The following FOXP1 variants were observed in gnomAD, a reference collection of about 807,000 sequenced individuals.
FOXP1 encodes the protein forkhead box protein P1.
FOXP1 carries 15 observed loss-of-function variants against 98.2 expected under a neutral mutation model. That is an observed-to-expected ratio of 0.15 (90% CI 0.10 to 0.24). FOXP1 has a LOEUF of 0.24. Among genes scored for constraint, FOXP1 ranks in the 10% least tolerant of loss-of-function variants. The pLI, the probability that FOXP1 is intolerant of heterozygous loss-of-function variation, is 1.00. For synonymous variants in FOXP1, 371 were observed against 314.5 expected (o/e 1.18, Z -1.90); for missense variants, 633 against 848.5 (o/e 0.75, Z 3.15).
intron 4 of FOXP1, among the ~76,000 whole-genome samples, chr3:71,345,397 TACACAC>T (rs71120315): frequency 0.24 from 33,651 of 141,412 alleles, 4,327 homozygotes; most frequent in South Asian, 0.3. Context: ...CAAATATATA[TACACAC>T]ACACACACAC....
Position 71,015,660 on chromosome 3 carries a change from G to T in FOXP1, c.870-7C>A. The T allele has an allele frequency of 6.3e-7, 1 of 1,576,252 alleles. No individual in the cohort carries two copies. On this transcript the variant is annotated splice_polypyrimidine_tract_variant and splice_region_variant and intron_variant, in intron 11 of 20. Coordinates refer to ENST00000649528, the MANE Select transcript of FOXP1 (RefSeq NM_001349338.3). Reference sequence around the variant, plus strand: ...GTGCTCCTCATGGGACAAACTGAAAGAAAACACACAGAAGACCAGAGAATG... The same window carrying T: ...GTGCTCCTCATGGGACAAACTGAAATAAAACACACAGAAGACCAGAGAATG...
At chr3:71,504,590 G>C (rs1274757636) in intron 2 of FOXP1, among the ~76,000 whole-genome samples, 1 of 152,174 alleles carries the variant, frequency 6.6e-6, no homozygotes, top group Non-Finnish European at 1.5e-5. Context: ...CCGGCTCAGA[G>C]CTGTCCAACG....
At position 71,141,137 on chromosome 3, in the gene FOXP1, A is replaced by G. The variant is rs1462991844; in HGVS notation, c.181-28500T>C. 2.0e-5 allele frequency among the ~76,000 whole-genome samples: 3 copies of G among 151,872 alleles called. No individual in the cohort carries two copies. In the East Asian group the frequency reaches 5.8e-4, roughly 30 times the overall value. ...CAAAAAATTAGCCAGGCGTGGTGGC[A>G]GGCGCCTGTAGTTCCAGCTACTAGG... On this transcript the variant is annotated intron_variant, in intron 6 of 20. Coordinates refer to ENST00000649528, the MANE Select transcript of FOXP1 (RefSeq NM_001349338.3).
intron 2 of FOXP1, chr3:71,543,461 G>A (rs1336959671): frequency 6.6e-6 from 1 of 152,460 alleles, no homozygotes. Flanking sequence ...GCTGCACAGT[G>A]GCTCTGTGTC....
chr3:71,148,234 G>A (rs1305242547), intron 6 of FOXP1, among the ~76,000 whole-genome samples: 6 of 152,058 alleles, frequency 3.9e-5, no homozygotes, highest in Non-Finnish European at 7.4e-5. Context: ...AAAATTAGCC[G>A]GGCATGGTGA....
intron 11 of FOXP1, among the ~76,000 whole-genome samples, chr3:71,031,876 A>T (rs998477347): frequency 6.6e-6 from 1 of 152,226 alleles, no homozygotes; most frequent in Non-Finnish European, 1.5e-5. Context: ...GTCCATGTGG[A>T]TGTGTGTTTT....
At chr3:71,338,812 A>G (rs193081365) in intron 4 of FOXP1, among the ~76,000 whole-genome samples, 1 of 152,334 alleles carries the variant, frequency 6.6e-6, no homozygotes, top group East Asian at 1.9e-4. Flanking sequence ...TAAAGAAGAC[A>G]CTAACAAAGG....
intron 5 of FOXP1, among the ~76,000 whole-genome samples, chr3:71,273,432 C>T (rs1293857821): frequency 6.6e-6 from 1 of 152,244 alleles, no homozygotes; most frequent in Non-Finnish European, 1.5e-5. Flanking sequence ...ACAACCCTAA[C>T]TCAACTGCTT....
chr3:71,559,727 G>A (rs2046396447), intron 2 of FOXP1, among the ~76,000 whole-genome samples: 1 of 152,158 alleles, frequency 6.6e-6, no homozygotes, highest in Non-Finnish European at 1.5e-5. Flanking sequence ...CGTGCCTGTA[G>A]TCCCAGCTAC....
At chr3:71,237,650 C>A (rs2106858024) in intron 5 of FOXP1, among the ~76,000 whole-genome samples, 1 of 152,304 alleles carries the variant, frequency 6.6e-6, no homozygotes, top group East Asian at 1.9e-4. Flanking sequence ...ACAGAGTTTC[C>A]TTGAAATGTT....
At chr3:71,254,952 C>T (rs1015362608) in intron 5 of FOXP1, among the ~76,000 whole-genome samples, 3 of 152,162 alleles carry the variant, frequency 2.0e-5, no homozygotes, top group Admixed American at 6.5e-5. Context: ...GCAACTTGAA[C>T]GGAGCTTTTT....
At chr3:71,165,542 A>G (rs2061360394) in intron 6 of FOXP1, among the ~76,000 whole-genome samples, 1 of 152,148 alleles carries the variant, frequency 6.6e-6, no homozygotes, top group African/African-American at 2.4e-5. Context: ...GTTTTAACTA[A>G]TGTATACCTT....
intron 5 of FOXP1, among the ~76,000 whole-genome samples, chr3:71,265,737 A>G (rs1175076862): frequency 1.3e-5 from 2 of 152,228 alleles, no homozygotes; most frequent in Admixed American, 6.5e-5. Context: ...GCATGGGCAC[A>G]TGACGCGCTG....
chr3:71,245,158 T>TA (rs562287731), intron 5 of FOXP1: 1 of 152,324 alleles, frequency 6.6e-6, no homozygotes, highest in South Asian at 2.1e-4. Flanking sequence ...GTTTGTTTCT[T>TA]ATTGTCTGAG....
chr3:71,049,117 G>C (rs1194321590), intron 9 of FOXP1, among the ~76,000 whole-genome samples: 1 of 152,084 alleles, frequency 6.6e-6, no homozygotes, highest in African/African-American at 2.4e-5. Context: ...AAAGGTCTCC[G>C]TGCAGTCCCC....
chr3:71,219,878 C>CT (rs1553785830), intron 5 of FOXP1, among the ~76,000 whole-genome samples: 2 of 152,046 alleles, frequency 1.3e-5, no homozygotes, highest in African/African-American at 2.4e-5. Flanking sequence ...CTCTCTCTCT[C>CT]CTGTTTCCAC....
chr3:71,373,251 A>G (rs753792959), intron 3 of FOXP1, among the ~76,000 whole-genome samples: 5 of 152,212 alleles, frequency 3.3e-5, no homozygotes, highest in African/African-American at 4.8e-5. Flanking sequence ...TTTCTATGCC[A>G]TGGCAACCAG....
chr3:71,131,782 G>A (rs1240303726), intron 6 of FOXP1, among the ~76,000 whole-genome samples: 2 of 152,168 alleles, frequency 1.3e-5, no homozygotes, highest in Non-Finnish European at 2.9e-5. Context: ...ACAGCATGTC[G>A]CCTGAGTATT....
intron 3 of FOXP1, among the ~76,000 whole-genome samples, chr3:71,367,014 T>C (rs997551429): frequency 1.3e-5 from 2 of 152,220 alleles, no homozygotes; most frequent in African/African-American, 4.8e-5. Flanking sequence ...CAATAATTTG[T>C]CTTTTAATAA....
Sources: gnomAD v4.1 joint callset for allele counts (sites outside exome capture counted in the v4.1 genomes callset) on GRCh38, gnomAD v4.1.1 for gene constraint, MANE v1.5 for transcripts, NCBI Gene and HGNC (gene_info 2026-07-23, HGNC 2026-07-21) for gene names.